Variants in TP63 observed in about 807,000 individuals in gnomAD.
TP63 encodes tumor protein p63, also known as tumor protein 63.
A neutral mutation model predicts 82.8 loss-of-function variants in TP63; 17 were observed. The observed-to-expected ratio is 0.21, with a 90% CI of 0.14 to 0.31. TP63 has a LOEUF of 0.31. TP63 is among the 10% of genes least tolerant of loss of function. The pLI, the probability that TP63 is intolerant of heterozygous loss-of-function variation, is 1.00. For synonymous variants in TP63, 330 were observed against 321.7 expected, an observed-to-expected ratio of 1.03 and a Z score of -0.28; for missense variants, 648 against 895.3, an observed-to-expected ratio of 0.72 and a Z score of 3.52.
chr3:189,737,952 T>C (rs1165019146), intron 2 of TP63, 84 bp downstream of exon 2: 3 of 1,539,382 alleles, frequency 1.9e-6, no homozygotes, highest in East Asian at 2.3e-5. Flanking sequence ...CTAGGGCATG[T>C]TTTTTCTAGA....
Position 189,759,527 on chromosome 3 carries a change from C to T in TP63, c.324+20753C>T, listed in dbSNP as rs1170412180. Among the ~76,000 whole-genome samples, 4 of 152,226 alleles carry T rather than the reference C, an allele frequency of 2.6e-5. No individual in the cohort carries two copies. The East Asian group carries it at 7.7e-4, about 29-fold the overall frequency. Reference sequence around the variant, plus strand: ...TGTTGGTTTTCAGCTTGATTTTATACATTTTAGGGAGATGTAAGATATCAG... The same window carrying T: ...TGTTGGTTTTCAGCTTGATTTTATATATTTTAGGGAGATGTAAGATATCAG... On this transcript the variant is annotated intron_variant, in intron 3 of 13. Transcript: ENST00000264731.
At chr3:189,718,090 A>G (rs1030947266) in intron 1 of TP63, among the ~76,000 whole-genome samples, 5 of 152,212 alleles carry the variant, frequency 3.3e-5, no homozygotes, top group African/African-American at 1.2e-4. Flanking sequence ...CTACAAGGAT[A>G]TATCACAAGC....
At chr3:189,890,244 T>C (rs1720879332) in intron 12 of TP63, among the ~76,000 whole-genome samples, 1 of 152,168 alleles carries the variant, frequency 6.6e-6, no homozygotes, top group Admixed American at 6.5e-5. Flanking sequence ...TGTTCTGTAA[T>C]GATGGTGGCA....
intron 1 of TP63, among the ~76,000 whole-genome samples, chr3:189,720,940 A>G (rs981973559): frequency 1.3e-5 from 2 of 152,182 alleles, no homozygotes; most frequent in Non-Finnish European, 2.9e-5. Context: ...ACCACTGGAC[A>G]GCTGGAGGGG....
chr3:189,788,732 A>C (rs1724820898), intron 3 of TP63, among the ~76,000 whole-genome samples: 1 of 151,994 alleles, frequency 6.6e-6, no homozygotes, highest in African/African-American at 2.4e-5. Flanking sequence ...ATTCTACATG[A>C]ATGTTGGTAC....
intron 3 of TP63, among the ~76,000 whole-genome samples, chr3:189,750,126 A>G (rs1396397790): frequency 8.9e-5 from 3 of 33,588 alleles, no homozygotes; most frequent in Non-Finnish European, 1.6e-4. Context: ...TCTGTCTCAG[A>G]AAAAAAAAAA....
intron 4 of TP63, among the ~76,000 whole-genome samples, chr3:189,849,229 A>G (rs1173278983): frequency 6.6e-6 from 1 of 152,212 alleles, no homozygotes; most frequent in Non-Finnish European, 1.5e-5. Context: ...ATAATAAACC[A>G]GTAAATGTGT....
At chr3:189,845,757 G>A (rs924101865) in intron 4 of TP63, among the ~76,000 whole-genome samples, 1 of 149,376 alleles carries the variant, frequency 6.7e-6, no homozygotes, top group African/African-American at 2.5e-5. Context: ...ATTGAGAAGA[G>A]AGGTAGGTTA....
chr3:189,756,756 G>C (rs778277099), intron 3 of TP63, among the ~76,000 whole-genome samples: 8 of 152,178 alleles, frequency 5.3e-5, no homozygotes, highest in Non-Finnish European at 8.8e-5. Context: ...TAAGGAGGGA[G>C]AGTTGGAAAT....
At chr3:189,676,216 A>G (rs1715383819) in intron 1 of TP63, among the ~76,000 whole-genome samples, 1 of 152,130 alleles carries the variant, frequency 6.6e-6, no homozygotes, top group Non-Finnish European at 1.5e-5. Flanking sequence ...TATACAATAT[A>G]AAATTATTAA....
rs563174983 is a variant in TP63, at chr3:189,729,091, A to G, written c.63-8649A>G. 5.3e-5 allele frequency among the ~76,000 whole-genome samples: 8 copies of G among 152,338 alleles called. No individual in the cohort carries two copies. In the South Asian group the frequency reaches 1.2e-3, roughly 24 times the overall value. On this transcript the variant is annotated intron_variant, in intron 1 of 13. Transcript: ENST00000264731. ...TCTGCTTTTGAAGGCTGATCATTAC[A>G]TAGTCCTTTAAGTTAGAAAATGCTG...
At chr3:189,694,837 G>T (rs1257466657) in intron 1 of TP63, among the ~76,000 whole-genome samples, 1 of 76,962 alleles carries the variant, frequency 1.3e-5, no homozygotes, top group Non-Finnish European at 2.4e-5. Flanking sequence ...ACAGAGTCTC[G>T]CTCTGTCTCC....
chr3:189,775,738 G>A (rs2108566770), intron 3 of TP63, among the ~76,000 whole-genome samples: 1 of 152,188 alleles, frequency 6.6e-6, no homozygotes, highest in African/African-American at 2.4e-5. Flanking sequence ...AGAAACAGAG[G>A]TTACCTTTTA....
the TP63 span, among the ~76,000 whole-genome samples, chr3:189,608,470 AAC>A: frequency 6.6e-6 from 1 of 152,174 alleles, no homozygotes; most frequent in African/African-American, 2.4e-5. Context: ...CAGAGTCATA[AAC>A]ACAGAGAGAT....
intron 3 of TP63, among the ~76,000 whole-genome samples, chr3:189,804,958 T>C (rs1181038944): frequency 1.3e-5 from 2 of 152,250 alleles, no homozygotes; most frequent in Non-Finnish European, 2.9e-5. Context: ...CTTTATGTTA[T>C]ATTAATTGAG....
In TP63 at chr3:189,838,963, C is replaced by T. The variant is rs190767740; in HGVS notation, c.580-25269C>T. Among the ~76,000 whole-genome samples, 230 of 143,750 alleles carry T rather than the reference C, an allele frequency of 1.6e-3. 2 individuals are homozygous for T. Among genetic ancestry groups the T allele is most frequent in the Non-Finnish European group, 2.2e-3 (148 of 67,058 alleles). 94.3% of individuals were successfully genotyped at this position (143,750 alleles called of 152,430 possible). On this transcript the variant is annotated intron_variant, in intron 4 of 13. Coordinates refer to ENST00000264731, the MANE Select transcript of TP63 (RefSeq NM_003722.5). ...TTGGGGACAGCTGTAGTTGAAGGGA[C>T]CTTAAAGTCCCTTAAACTTCTCAGC...
intron 1 of TP63, among the ~76,000 whole-genome samples, chr3:189,647,200 G>C (rs1560082339): frequency 1.4e-5 from 2 of 146,706 alleles, no homozygotes. Flanking sequence ...AAGGAGGGTT[G>C]CTATAAGTAG....
intron 3 of TP63, among the ~76,000 whole-genome samples, chr3:189,739,743 G>C (rs901459173): frequency 6.6e-6 from 1 of 150,726 alleles, no homozygotes; most frequent in African/African-American, 2.4e-5. Context: ...GAGATGTTTA[G>C]ATTTCCTGTG....
intron 4 of TP63, among the ~76,000 whole-genome samples, chr3:189,849,824 A>G (rs2108762799): frequency 6.6e-6 from 1 of 152,306 alleles, no homozygotes; most frequent in Admixed American, 6.5e-5. Context: ...TCAGTTTTAT[A>G]TCAGAAAATT....
Sources: allele counts gnomAD v4.1 joint callset (sites outside exome capture counted in the v4.1 genomes callset), GRCh38; gene constraint gnomAD v4.1.1; transcripts MANE v1.5; gene names NCBI Gene and HGNC (gene_info 2026-07-23, HGNC 2026-07-21).